Variants in RBFOX1 observed in about 807,000 individuals in gnomAD.
RBFOX1 encodes the protein RNA binding protein fox-1 homolog 1.
RBFOX1 carries 8 observed loss-of-function variants against 57.7 expected under a neutral mutation model. That is an observed-to-expected ratio of 0.14 (90% CI 0.08 to 0.25). The LOEUF is 0.25. Among genes scored for constraint, RBFOX1 ranks in the 10% least tolerant of loss-of-function variants. The probability of loss-of-function intolerance (pLI) is 1.00; values close to 1 mark genes in which losing one functional copy is unlikely to be tolerated. For missense variants in RBFOX1, 611 were observed against 548.5 expected (o/e 1.11, Z -1.14); for synonymous variants, 326 against 222.4 (o/e 1.47, Z -4.15).
chr16:6,725,200 G>A (rs868057481), intron 3 of RBFOX1, among the ~76,000 whole-genome samples: 11 of 151,818 alleles, frequency 7.2e-5, no homozygotes, highest in Middle Eastern at 3.4e-3. Context: ...GCAGGCACCC[G>A]CCACCATGCC....
At position 7,159,227 on chromosome 16, in the gene RBFOX1, A is replaced by G. The variant is rs149818672; in HGVS notation, c.27+107129A>G. On this transcript the variant is annotated intron_variant, in intron 4 of 15. Transcript: ENST00000550418. ...GTCTTAGATTGCTGAGTAGTATTCTATGGTGTCAATCTACCACCCAAGAAT... is the reference window on the plus strand; with the variant it reads ...GTCTTAGATTGCTGAGTAGTATTCTGTGGTGTCAATCTACCACCCAAGAAT... Among the ~76,000 whole-genome samples the G allele has an allele frequency of 8.4e-3, 1,276 of 152,190 alleles. 16 individuals carry two copies. Among genetic ancestry groups the G allele is most frequent in the African/African-American group, 0.029 (1,213 of 41,510 alleles).
At chr16:7,181,136 T>G (rs1289693559) in intron 4 of RBFOX1, among the ~76,000 whole-genome samples, 1 of 152,214 alleles carries the variant, frequency 6.6e-6, no homozygotes, top group African/African-American at 2.4e-5. Flanking sequence ...CTTTCAATCC[T>G]TCCTTGTCAT....
intron 2 of RBFOX1, among the ~76,000 whole-genome samples, chr16:5,569,465 T>TC (rs2046199156): frequency 1.1e-5 from 1 of 94,174 alleles, no homozygotes; most frequent in Non-Finnish European, 2.1e-5. Flanking sequence ...TTTTTTTTTT[T>TC]TTCTTCTTCT....
At chr16:6,435,596 G>A (rs943773746) in intron 2 of RBFOX1, among the ~76,000 whole-genome samples, 5 of 152,152 alleles carry the variant, frequency 3.3e-5, no homozygotes, top group Admixed American at 6.6e-5. Context: ...GAGCCACCAT[G>A]CCTGGCCAGT....
chr16:6,389,469 C>A (rs1042801210), intron 2 of RBFOX1, among the ~76,000 whole-genome samples: 2 of 152,140 alleles, frequency 1.3e-5, no homozygotes, highest in Admixed American at 1.3e-4. Context: ...TGAAAGCAGG[C>A]ACCTGGTTTC....
chr16:5,901,113 C>A (rs563629539), intron 4 of RBFOX1, among the ~76,000 whole-genome samples: 1 of 152,146 alleles, frequency 6.6e-6, no homozygotes, highest in Admixed American at 6.5e-5. Context: ...AACGGAGACG[C>A]GTGTTGATTA....
intron 2 of RBFOX1, among the ~76,000 whole-genome samples, chr16:6,524,969 G>A (rs943724165): frequency 1.3e-5 from 2 of 152,050 alleles, no homozygotes; most frequent in African/African-American, 4.8e-5. Context: ...TCCAAATAAG[G>A]TCACTTCTGA....
chr16:6,883,543 C>G (rs1298646912), intron 3 of RBFOX1, among the ~76,000 whole-genome samples: 1 of 152,216 alleles, frequency 6.6e-6, no homozygotes, highest in Non-Finnish European at 1.5e-5. Flanking sequence ...CTAAACGGCA[C>G]ACTGCCATAT....
At chr16:5,434,707 C>G (rs549832288) in intron 1 of RBFOX1, among the ~76,000 whole-genome samples, 1 of 152,204 alleles carries the variant, frequency 6.6e-6, no homozygotes, top group Non-Finnish European at 1.5e-5. Flanking sequence ...TCTCTTGACT[C>G]TGTCATGAAA....
intron 3 of RBFOX1, among the ~76,000 whole-genome samples, chr16:6,677,862 A>G (rs1455848829): frequency 6.6e-6 from 1 of 152,222 alleles, no homozygotes; most frequent in Admixed American, 6.5e-5. Context: ...TAAAAGGCCT[A>G]TTAATATAGG....
intron 2 of RBFOX1, among the ~76,000 whole-genome samples, chr16:6,608,339 G>A (rs948403458): frequency 5.9e-5 from 9 of 152,130 alleles, no homozygotes; most frequent in African/African-American, 2.2e-4. Flanking sequence ...CAGAAAGACT[G>A]GCTTAAATCC....
intron 3 of RBFOX1, among the ~76,000 whole-genome samples, chr16:6,873,476 C>T (rs1269788927): frequency 2.0e-5 from 3 of 152,064 alleles, no homozygotes; most frequent in South Asian, 2.1e-4. Context: ...GTATCTTCTG[C>T]AATTGCATAA....
intron 4 of RBFOX1, among the ~76,000 whole-genome samples, chr16:7,168,423 C>T (rs1049784188): frequency 6.6e-6 from 1 of 151,868 alleles, no homozygotes; most frequent in African/African-American, 2.4e-5. Context: ...CATTGTCCAC[C>T]AATTCTCATT....
chr16:6,721,769 A>T (rs1394446012), intron 3 of RBFOX1: 1 of 152,144 alleles, frequency 6.6e-6, no homozygotes, highest in African/African-American at 2.4e-5. Flanking sequence ...TGACCCAGGC[A>T]CTGGCCCTGC....
At chr16:7,547,345 G>T (rs1232564403) in intron 5 of RBFOX1, among the ~76,000 whole-genome samples, 1 of 152,206 alleles carries the variant, frequency 6.6e-6, no homozygotes, top group Non-Finnish European at 1.5e-5. Flanking sequence ...AACTCAACAA[G>T]TGTATAATTG....
intron 2 of RBFOX1, among the ~76,000 whole-genome samples, chr16:6,502,581 C>G (rs149124097): frequency 5.6e-4 from 85 of 152,260 alleles, no homozygotes; most frequent in African/African-American, 1.9e-3. Flanking sequence ...TTATTAACTA[C>G]TATGAGAGAG....
At chr16:7,548,079 T>A (rs764412810) in intron 5 of RBFOX1, among the ~76,000 whole-genome samples, 1 of 152,234 alleles carries the variant, frequency 6.6e-6, no homozygotes, top group Non-Finnish European at 1.5e-5. Context: ...AGCTACTTAT[T>A]CTGTTCATTT....
chr16:5,244,381 C>A (rs558681121), intron 1 of RBFOX1, among the ~76,000 whole-genome samples: 25 of 152,272 alleles, frequency 1.6e-4, no homozygotes, highest in Non-Finnish European at 3.2e-4. Flanking sequence ...TTGCCTGTTC[C>A]CCACCACATC....
chr16:5,908,287 TACAC>T (rs1223628944), intron 4 of RBFOX1, among the ~76,000 whole-genome samples: 20 of 142,122 alleles, frequency 1.4e-4, no homozygotes, highest in Non-Finnish European at 2.4e-4. Context: ...TACATATATA[TACAC>T]ATATATATAT....
Sources: gnomAD v4.1 joint callset for allele counts (sites outside exome capture counted in the v4.1 genomes callset) on GRCh38, gnomAD v4.1.1 for gene constraint, MANE v1.5 for transcripts, NCBI Gene and HGNC (gene_info 2026-07-23, HGNC 2026-07-21) for gene names.